CADPS2: variants seen among roughly 807,000 people sequenced by gnomAD.
CADPS2 encodes calcium dependent secretion activator 2.
In CADPS2, 93 loss-of-function variants were observed where a neutral mutation model predicts 172.5. The observed-to-expected ratio is 0.54, with a 90% CI of 0.46 to 0.64. The LOEUF is 0.64. Ranked by LOEUF, CADPS2 falls within the 30% of genes least tolerant of loss-of-function variation. The pLI is 0.00. For missense variants in CADPS2, 1,420 were observed against 1,565.9 expected, an observed-to-expected ratio of 0.91 and a Z score of 1.57; for synonymous variants, 546 against 555.2, an observed-to-expected ratio of 0.98 and a Z score of 0.23.
At chr7:122,711,146 G>A (rs2088644079) in intron 2 of CADPS2, among the ~76,000 whole-genome samples, 1 of 152,018 alleles carries the variant, frequency 6.6e-6, no homozygotes, top group African/African-American at 2.4e-5. Context: ...AATATCACAG[G>A]ATCAGAGGCC....
chr7:122,820,542 G>GTTTTTTTTTTTT (rs1286462243), intron 1 of CADPS2, among the ~76,000 whole-genome samples: 3 of 117,792 alleles, frequency 2.5e-5, no homozygotes, highest in African/African-American at 1.1e-4. Flanking sequence ...TGACCTTACT[G>GTTTTTTTTTTTT]TTTTTTGTTT....
intron 2 of CADPS2, among the ~76,000 whole-genome samples, chr7:122,710,953 C>T (rs1018586389): frequency 6.6e-6 from 1 of 152,082 alleles, no homozygotes; most frequent in Admixed American, 6.6e-5. Flanking sequence ...CTCAAGGTCC[C>T]TGACAAAATG....
chr7:122,367,724 T>C (rs1464699915), intron 25 of CADPS2, among the ~76,000 whole-genome samples: 1 of 144,446 alleles, frequency 6.9e-6, no homozygotes, highest in Non-Finnish European at 1.5e-5. Context: ...TTTTTTTTTT[T>C]TTTTTTTTTT....
intron 1 of CADPS2, among the ~76,000 whole-genome samples, chr7:122,840,394 G>A (rs1194256574): frequency 1.5e-4 from 22 of 151,682 alleles, no homozygotes; most frequent in Admixed American, 1.3e-4. Flanking sequence ...AAACCTGCAC[G>A]TTTTGCACAT....
Position 122,541,771 on chromosome 7 carries a change from T to TTA in CADPS2, c.1475+12778_1475+12779insTA, listed in dbSNP as rs1245598452. 9.4e-4 allele frequency among the ~76,000 whole-genome samples: 136 copies of TTA among 144,470 alleles called. 3 individuals are homozygous for TTA. Among genetic ancestry groups the TTA allele is most frequent in the Non-Finnish European group, 1.6e-3 (109 of 66,246 alleles). 94.8% of individuals were successfully genotyped at this position (144,470 alleles called of 152,430 possible). ...TACATATATTCATATATTTATATAT[T>TTA]CACATATATTCATATATTTATATAT... On this transcript the variant is annotated intron_variant, in intron 8 of 29. Transcript: ENST00000449022.
At chr7:122,700,201 G>A (rs2085809310) in intron 2 of CADPS2, among the ~76,000 whole-genome samples, 1 of 152,150 alleles carries the variant, frequency 6.6e-6, no homozygotes, top group Non-Finnish European at 1.5e-5. Flanking sequence ...TTCTGACCTT[G>A]AACATGAATG....
chr7:122,713,129 T>G (rs1003317681), intron 2 of CADPS2, among the ~76,000 whole-genome samples: 5 of 152,156 alleles, frequency 3.3e-5, no homozygotes, highest in Non-Finnish European at 7.3e-5. Context: ...ACAGCATATC[T>G]GTTCACAAAG....
chr7:122,695,482 T>TA (rs1393861804), intron 2 of CADPS2, among the ~76,000 whole-genome samples: 2 of 152,272 alleles, frequency 1.3e-5, no homozygotes, highest in East Asian at 3.9e-4. Flanking sequence ...AAACCCAGAG[T>TA]AAAAGGGGTT....
At chr7:122,674,985 C>T (rs2082247458) in intron 2 of CADPS2, among the ~76,000 whole-genome samples, 1 of 152,178 alleles carries the variant, frequency 6.6e-6, no homozygotes, top group African/African-American at 2.4e-5. Flanking sequence ...TTTAGTCTCA[C>T]TAGAAATCAA....
chr7:122,600,574 C>T (rs75018653), intron 6 of CADPS2, among the ~76,000 whole-genome samples: 1 of 152,060 alleles, frequency 6.6e-6, no homozygotes, highest in East Asian at 1.9e-4. Flanking sequence ...GAGTTTGCCA[C>T]AGCAGAAATC....
At chr7:122,561,362 T>C (rs1025507966) in intron 7 of CADPS2, among the ~76,000 whole-genome samples, 1 of 152,004 alleles carries the variant, frequency 6.6e-6, no homozygotes, top group African/African-American at 2.4e-5. Flanking sequence ...AGGCCTTTTT[T>C]TGAAAAAACA....
chr7:122,603,099 T>A (rs935826006), intron 6 of CADPS2, among the ~76,000 whole-genome samples: 5 of 152,060 alleles, frequency 3.3e-5, no homozygotes, highest in Non-Finnish European at 7.4e-5. Flanking sequence ...AAACCAATGT[T>A]GATAGAGAAT....
rs540353637 is a variant in CADPS2, at chr7:122,704,604, G to T, written c.453+32351C>A. 7.2e-5 allele frequency among the ~76,000 whole-genome samples: 11 copies of T among 152,056 alleles called. No individual in the cohort carries two copies. In the South Asian group the frequency reaches 2.3e-3, roughly 32 times the overall value. On this transcript the variant is annotated intron_variant, in intron 2 of 29. Transcript: ENST00000449022. ...TTCAAAACATATCTCACATCAAAAG[G>T]TTCTCTGTATGGTTGAAAGGACCAA...
At chr7:122,823,523 G>T (rs2428906) in intron 1 of CADPS2, among the ~76,000 whole-genome samples, 66,528 of 151,776 alleles carry the variant, frequency 0.44, 17,031 homozygotes, top group African/African-American at 0.72. Flanking sequence ...CTTGGAGAGC[G>T]TGCTTATAGG....
At chr7:122,702,026 C>G (rs201540773) in intron 2 of CADPS2, 11 of 1,613,530 alleles carry the variant, frequency 6.8e-6, no homozygotes, top group African/African-American at 4.0e-5. Flanking sequence ...TTTGAGAACT[C>G]GCAGTTGAAG....
In CADPS2 at chr7:122,560,841, A is replaced by G. The variant is rs58478325; in HGVS notation, c.1336-6152T>C. 7.8e-3 allele frequency among the ~76,000 whole-genome samples: 1,188 copies of G among 152,162 alleles called. 16 individuals are homozygous for G. Among genetic ancestry groups the G allele is most frequent in the African/African-American group, 0.028 (1,148 of 41,502 alleles). ...TCTTGAGAGTGTAGAACCTTGAGGT[A>G]GCATATATTATGAAAGGACTACCTG... is the stretch of plus-strand genomic sequence containing the variant. On this transcript the variant is annotated intron_variant, in intron 7 of 29. Transcript: ENST00000449022.
chr7:122,713,782 G>A (rs1437824656), intron 2 of CADPS2, among the ~76,000 whole-genome samples: 1 of 151,966 alleles, frequency 6.6e-6, no homozygotes, highest in Non-Finnish European at 1.5e-5. Context: ...ATGATTCATA[G>A]AAGATGCATG....
At chr7:122,341,710 G>C (rs1017595911) in intron 28 of CADPS2, among the ~76,000 whole-genome samples, 2 of 152,188 alleles carry the variant, frequency 1.3e-5, no homozygotes, top group African/African-American at 4.8e-5. Flanking sequence ...CTCTGAGTGG[G>C]AGATGTTTTA....
chr7:122,621,885 G>T lies in CADPS2; in HGVS notation c.868-168C>A, dbSNP rs561075383. ...AAAATCCTCAGGCTTTGGCATTTTT[G>T]ATTATATCTATGGTACTTCAGATAT... On this transcript the variant is annotated intron_variant, in intron 4 of 29. Coordinates refer to ENST00000449022, the MANE Select transcript of CADPS2 (RefSeq NM_017954.11). Among the ~76,000 whole-genome samples, 99 of 152,130 alleles carry T rather than the reference G, an allele frequency of 6.5e-4. 2 individuals carry two copies. The South Asian group carries it at 0.019, about 29-fold the overall frequency.
Sources: gnomAD v4.1 joint callset for allele counts (sites outside exome capture counted in the v4.1 genomes callset) on GRCh38, gnomAD v4.1.1 for gene constraint, MANE v1.5 for transcripts, NCBI Gene and HGNC (gene_info 2026-07-23, HGNC 2026-07-21) for gene names.